Variants in DMD observed in about 807,000 individuals in gnomAD.
DMD encodes dystrophin.
A neutral mutation model predicts 330.1 loss-of-function variants in DMD; 63 were observed. That is an observed-to-expected ratio of 0.19 (90% CI 0.16 to 0.24). DMD has a LOEUF of 0.24. Ranked by LOEUF, DMD falls within the 10% of genes least tolerant of loss-of-function variation. The probability of loss-of-function intolerance (pLI) is 1.00; values close to 1 mark genes in which losing one functional copy is unlikely to be tolerated. For missense variants in DMD, 3,344 were observed against 2,684.1 expected, an observed-to-expected ratio of 1.25 and a Z score of -5.43; for synonymous variants, 1,223 against 959.8, an observed-to-expected ratio of 1.27 and a Z score of -5.07.
chrX:31,926,723 G>T (rs898082994), intron 47 of DMD, among the ~76,000 whole-genome samples: 1 of 111,309 alleles, frequency 9.0e-6, no homozygotes, highest in Admixed American at 9.5e-5. Context: ...AGAGTAAGGG[G>T]TCAGTTGGCT....
intron 29 of DMD, among the ~76,000 whole-genome samples, chrX:32,421,467 C>T (rs966638593): frequency 9.0e-6 from 1 of 111,504 alleles, no homozygotes; most frequent in African/African-American, 3.3e-5. Context: ...GCTTTCGAAA[C>T]ATTCTGTATA....
rs128626234 is a variant in DMD, at chrX:32,844,794, G to A, written c.253C>T (p.Gln85Ter). Residue 85 changes from glutamine to a stop codon, truncating the protein, a stop_gained, in exon 4 of 79, where the codon CAG (glutamine) becomes TAG (stop). Transcript: ENST00000357033. LOFTEE classifies it high-confidence loss of function. ...AGGGTACTACTTACATTATTGTTCT[G>A]CAAAACCCGCAGTGCCTTGTTGACA... ...NNVNKALRVL[Q>*]NNNVDLVNIG... is the part of the protein sequence containing the mutation. 1 of 1,209,663 alleles carries A rather than the reference G, an allele frequency of 8.3e-7. No homozygotes were observed. The highest frequency in any genetic ancestry group is 1.1e-6 in the Non-Finnish European group (1 of 893,725).
chrX:32,994,665 T>C (rs963101410), intron 2 of DMD, among the ~76,000 whole-genome samples: 1 of 111,597 alleles, frequency 9.0e-6, no homozygotes, highest in African/African-American at 3.3e-5. Context: ...CCATACTAAT[T>C]TACATTCCCA....
intron 2 of DMD, among the ~76,000 whole-genome samples, chrX:32,896,936 C>T (rs1183328185): frequency 8.9e-6 from 1 of 112,218 alleles, no homozygotes; most frequent in African/African-American, 3.2e-5. Flanking sequence ...AACAAATATT[C>T]AGGACAAAGT....
intron 7 of DMD, among the ~76,000 whole-genome samples, chrX:32,734,774 A>G (rs1209914467): frequency 1.8e-5 from 2 of 108,355 alleles, no homozygotes; most frequent in Non-Finnish European, 3.8e-5. Flanking sequence ...TCAAAATAAT[A>G]AGAGCTATCT....
At chrX:32,204,698 G>T (rs2097055996) in intron 44 of DMD, among the ~76,000 whole-genome samples, 1 of 110,291 alleles carries the variant, frequency 9.1e-6, no homozygotes, top group African/African-American at 3.3e-5. Flanking sequence ...GGTTCTGCAG[G>T]CTGTACAGGA....
In DMD at chrX:32,541,128, G is replaced by A. The variant is rs760325909; in HGVS notation, c.2168+4031C>T. Among the ~76,000 whole-genome samples, 4 of 111,623 alleles carry A rather than the reference G, an allele frequency of 3.6e-5. No individual in the cohort carries two copies. The East Asian group carries it at 1.1e-3, about 31-fold the overall frequency. On this transcript the variant is annotated intron_variant, in intron 17 of 78. Coordinates refer to ENST00000357033, the MANE Select transcript of DMD (RefSeq NM_004006.3). ...AAAGAAAGTAGAAGAAAAATTCACA[G>A]AACTAGAGATGTCAGGTGGTAAATT...
intron 44 of DMD, among the ~76,000 whole-genome samples, chrX:32,165,409 G>A (rs2096864698): frequency 8.9e-6 from 1 of 112,732 alleles, no homozygotes; most frequent in Non-Finnish European, 1.9e-5. Context: ...TGACTGCCCT[G>A]ATAGATTTTG....
At chrX:32,341,268 T>A (rs2097740819) in intron 41 of DMD, among the ~76,000 whole-genome samples, 2 of 111,542 alleles carry the variant, frequency 1.8e-5, no homozygotes, top group African/African-American at 6.5e-5. Context: ...TTGTGAGGAG[T>A]ACTTTCTTCT....
At chrX:32,154,233 C>T (rs1195756881) in intron 44 of DMD, among the ~76,000 whole-genome samples, 1 of 112,090 alleles carries the variant, frequency 8.9e-6, no homozygotes, top group Non-Finnish European at 1.9e-5. Flanking sequence ...CCGAAGTGTA[C>T]AAAGGTAAAA....
intron 7 of DMD, among the ~76,000 whole-genome samples, chrX:32,741,195 T>G (rs1265867426): frequency 9.0e-6 from 1 of 111,385 alleles, no homozygotes; most frequent in Admixed American, 9.6e-5. Context: ...CACACGGATA[T>G]TGCCACTAAA....
At chrX:32,783,088 C>T (rs2074969300) in intron 7 of DMD, among the ~76,000 whole-genome samples, 1 of 96,971 alleles carries the variant, frequency 1.0e-5, no homozygotes, top group East Asian at 3.2e-4. Flanking sequence ...CACACATATA[C>T]ATATATGGTG....
chrX:32,217,236 T>G (rs1210177870), intron 43 of DMD, among the ~76,000 whole-genome samples, 173 bp from the exon 44 acceptor site: 2 of 111,522 alleles, frequency 1.8e-5, no homozygotes, highest in Non-Finnish European at 3.8e-5. Context: ...ACACCTAGCA[T>G]GTACACACAA....
intron 9 of DMD, among the ~76,000 whole-genome samples, chrX:32,683,996 AACACACACACACACACATACATAC>A (rs1355647508): frequency 0.042 from 4,224 of 100,465 alleles, 264 homozygotes; most frequent in African/African-American, 0.15. Flanking sequence ...GCACATACAA[AACACACACACACACACATACATAC>A]ACACACACAC....
chrX:32,681,462 G>A (rs1221290804), intron 9 of DMD, among the ~76,000 whole-genome samples: 2 of 111,431 alleles, frequency 1.8e-5, no homozygotes, highest in African/African-American at 6.5e-5. Flanking sequence ...CTTCTATTAC[G>A]ATGAGGTTGA....
intron 44 of DMD, among the ~76,000 whole-genome samples, chrX:32,187,076 A>G (rs2096951027): frequency 9.0e-6 from 1 of 110,769 alleles, no homozygotes; most frequent in Non-Finnish European, 1.9e-5. Flanking sequence ...ATAAGGGGCC[A>G]TCCAAGAAAA....
At chrX:31,665,625 G>T (rs1010437241) in intron 53 of DMD, among the ~76,000 whole-genome samples, 9 of 111,154 alleles carry the variant, frequency 8.1e-5, no homozygotes, top group African/African-American at 2.9e-4. Flanking sequence ...CTCATTTTCC[G>T]GCTTACTGAA....
rs759626322 is a variant in DMD, at chrX:32,601,528, C to T, written c.1483-5652G>A. Among the ~76,000 whole-genome samples, 8 of 111,323 alleles carry T rather than the reference C, an allele frequency of 7.2e-5. No individual in the cohort carries two copies. The South Asian group carries it at 1.1e-3, about 15-fold the overall frequency. ...TAGCCTGAAGGGGACTCAATAAATA[C>T]GAAAAGAAACTGTTTTAAAAATAAA... On this transcript the variant is annotated intron_variant, in intron 12 of 78. Coordinates refer to ENST00000357033, the MANE Select transcript of DMD (RefSeq NM_004006.3).
chrX:31,959,769 GTTTTTTTTT>G (rs201621257), intron 45 of DMD, among the ~76,000 whole-genome samples: 1 of 80,918 alleles, frequency 1.2e-5, no homozygotes, highest in African/African-American at 4.9e-5. Context: ...CAGCACCGTG[GTTTTTTTTT>G]TTTTTTTTTT....
Sources: gnomAD v4.1 joint callset for allele counts (sites outside exome capture counted in the v4.1 genomes callset) on GRCh38, gnomAD v4.1.1 for gene constraint, MANE v1.5 for transcripts, NCBI Gene and HGNC (gene_info 2026-07-23, HGNC 2026-07-21) for gene names.